The following AUTS2 variants were observed in gnomAD, a reference collection of about 807,000 sequenced individuals.
AUTS2 encodes the protein activator of transcription and developmental regulator AUTS2, also known as autism susceptibility gene 2 protein.
In AUTS2, 17 loss-of-function variants were observed where a neutral mutation model predicts 112.4. That is an observed-to-expected ratio of 0.15 (90% CI 0.10 to 0.23). The LOEUF is 0.23. Ranked by LOEUF, AUTS2 falls within the 10% of genes least tolerant of loss-of-function variation. AUTS2 has a pLI of 1.00. For synonymous variants in AUTS2, 751 were observed against 702.7 expected, an observed-to-expected ratio of 1.07 and a Z score of -1.09; for missense variants, 1,510 against 1,701.6, an observed-to-expected ratio of 0.89 and a Z score of 1.98.
intron 2 of AUTS2, among the ~76,000 whole-genome samples, chr7:70,109,607 A>ATCCT (rs1327042916): frequency 2.6e-5 from 4 of 152,194 alleles, no homozygotes; most frequent in African/African-American, 9.7e-5. Flanking sequence ...AATAGACAGG[A>ATCCT]ATGTCTGGCT....
chr7:70,535,964 G>T (rs1254558508), intron 5 of AUTS2, among the ~76,000 whole-genome samples: 7 of 152,204 alleles, frequency 4.6e-5, no homozygotes, highest in African/African-American at 1.7e-4. Context: ...TAAGGTTGAA[G>T]CTGTCCCAAG....
At chr7:70,162,579 G>GTCTTCTTCCACTGTGTTA (rs1808149674) in intron 4 of AUTS2, among the ~76,000 whole-genome samples, 1 of 149,642 alleles carries the variant, frequency 6.7e-6, no homozygotes, top group Non-Finnish European at 1.5e-5. Flanking sequence ...GTCTTTGAGA[G>GTCTTCTTCCACTGTGTTA]TCTTCTTCCA....
At chr7:70,304,950 G>A (rs1022851459) in intron 4 of AUTS2, among the ~76,000 whole-genome samples, 5 of 152,032 alleles carry the variant, frequency 3.3e-5, no homozygotes, top group African/African-American at 1.2e-4. Context: ...CATTTAAATT[G>A]TGCTCATAGT....
At chr7:69,663,522 C>T (rs992180472) in intron 1 of AUTS2, among the ~76,000 whole-genome samples, 2 of 152,168 alleles carry the variant, frequency 1.3e-5, no homozygotes, top group African/African-American at 4.8e-5. Context: ...TCAACTCTAA[C>T]AGGATTTGGT....
intron 4 of AUTS2, among the ~76,000 whole-genome samples, chr7:70,237,726 A>G (rs1335438343): frequency 6.6e-6 from 1 of 152,236 alleles, no homozygotes; most frequent in Non-Finnish European, 1.5e-5. Context: ...CACTGGAGTG[A>G]ATAATTAAAA....
chr7:70,058,385 T>C (rs1802087733), intron 2 of AUTS2, among the ~76,000 whole-genome samples: 2 of 152,162 alleles, frequency 1.3e-5, no homozygotes, highest in Non-Finnish European at 2.9e-5. Context: ...AACTTGATTC[T>C]AAGGTAAATT....
chr7:70,122,659 T>C (rs137898213), intron 3 of AUTS2, among the ~76,000 whole-genome samples: 2 of 152,258 alleles, frequency 1.3e-5, no homozygotes, highest in African/African-American at 4.8e-5. Flanking sequence ...TGTGGGCATA[T>C]AGTAGGCGTA....
At chr7:70,321,019 C>T (rs937351952) in intron 4 of AUTS2, among the ~76,000 whole-genome samples, 3 of 152,128 alleles carry the variant, frequency 2.0e-5, no homozygotes, top group African/African-American at 4.8e-5. Flanking sequence ...TCCTTGCTGG[C>T]GTATCTTAAC....
intron 1 of AUTS2, among the ~76,000 whole-genome samples, chr7:69,840,472 T>G (rs1049653593): frequency 1.3e-5 from 2 of 152,178 alleles, no homozygotes; most frequent in Non-Finnish European, 2.9e-5. Context: ...ATGTGGAGAT[T>G]AGGCAAATAA....
chr7:70,583,756 C>A (rs139358108), intron 5 of AUTS2, among the ~76,000 whole-genome samples: 2 of 152,274 alleles, frequency 1.3e-5, no homozygotes, highest in Non-Finnish European at 2.9e-5. Flanking sequence ...TCCTTCTGGG[C>A]GAGCCTTTCT....
At chr7:70,050,418 G>C (rs1172287953) in intron 2 of AUTS2, among the ~76,000 whole-genome samples, 1 of 148,518 alleles carries the variant, frequency 6.7e-6, no homozygotes, top group East Asian at 2.0e-4. Flanking sequence ...TTTTAAGTAT[G>C]AGAAAGGAGT....
intron 1 of AUTS2, among the ~76,000 whole-genome samples, chr7:69,685,595 C>A (rs1272080406): frequency 2.0e-5 from 3 of 152,110 alleles, no homozygotes; most frequent in African/African-American, 7.2e-5. Context: ...AAGGATAGTG[C>A]CATATTTTCT....
rs372953186 is a variant in AUTS2 at position 69,690,514 on chromosome 7, G to A, written c.309+90552G>A. Among the ~76,000 whole-genome samples, 4 of 152,210 alleles carry A rather than the reference G, an allele frequency of 2.6e-5. No homozygotes were observed. The East Asian group carries it at 7.7e-4, about 29-fold the overall frequency. ...GCGCAGAGCGGCAAGGGGTGTGTGAGCAAGTGCAGGGTCCGGCCACTGGCA... is the reference window on the plus strand; with the variant it reads ...GCGCAGAGCGGCAAGGGGTGTGTGAACAAGTGCAGGGTCCGGCCACTGGCA... On this transcript the variant is annotated intron_variant, in intron 1 of 18. Coordinates refer to ENST00000342771, the MANE Select transcript of AUTS2 (RefSeq NM_015570.4).
chr7:70,219,151 C>A (rs115083665), intron 4 of AUTS2, among the ~76,000 whole-genome samples: 70 of 152,228 alleles, frequency 4.6e-4, no homozygotes, highest in Middle Eastern at 3.4e-3. Flanking sequence ...GTATGATGGG[C>A]AAATTGTCAG....
chr7:69,856,580 C>G (rs1430856834), intron 1 of AUTS2, among the ~76,000 whole-genome samples: 2 of 152,160 alleles, frequency 1.3e-5, no homozygotes, highest in African/African-American at 4.8e-5. Flanking sequence ...GCTCCCTCAT[C>G]TCATTACAGA....
At chr7:69,732,516 T>TG (rs1786843905) in intron 1 of AUTS2, among the ~76,000 whole-genome samples, 1 of 152,188 alleles carries the variant, frequency 6.6e-6, no homozygotes, top group Non-Finnish European at 1.5e-5. Context: ...ATGGAATTTC[T>TG]TTTTCTCTTA....
At chr7:70,395,259 C>T (rs553142831) in intron 4 of AUTS2, among the ~76,000 whole-genome samples, 3 of 152,046 alleles carry the variant, frequency 2.0e-5, no homozygotes, top group South Asian at 4.2e-4. Context: ...CTACTATTAG[C>T]CAGGTGTTGT....
At chr7:70,095,569 T>TA (rs1239060814) in intron 2 of AUTS2, among the ~76,000 whole-genome samples, 7 of 152,190 alleles carry the variant, frequency 4.6e-5, no homozygotes, top group Non-Finnish European at 1.0e-4. Flanking sequence ...TGCCAGGTAT[T>TA]ATGCTAGGTG....
chr7:70,456,745 C>G (rs1796756203), intron 5 of AUTS2, among the ~76,000 whole-genome samples: 1 of 152,252 alleles, frequency 6.6e-6, no homozygotes, highest in East Asian at 1.9e-4. Flanking sequence ...TCTCCATCCC[C>G]AGCCCTTCAA....
Sources: gnomAD v4.1 joint callset for allele counts (sites outside exome capture counted in the v4.1 genomes callset) on GRCh38, gnomAD v4.1.1 for gene constraint, MANE v1.5 for transcripts, NCBI Gene and HGNC (gene_info 2026-07-23, HGNC 2026-07-21) for gene names.